THSD7B: variants seen among roughly 807,000 people sequenced by gnomAD.
THSD7B encodes the protein thrombospondin type 1 domain containing 7B, also known as thrombospondin type-1 domain-containing protein 7B.
In THSD7B, 138 loss-of-function variants were observed where a neutral mutation model predicts 213.6. The observed-to-expected ratio is 0.65, with a 90% CI of 0.56 to 0.74. The LOEUF (loss-of-function observed/expected upper bound fraction) is 0.74. Among genes scored for constraint, THSD7B ranks in the 30% least tolerant of loss-of-function variants. The pLI is 0.00. For missense variants in THSD7B, 1,931 were observed against 1,991.5 expected, an observed-to-expected ratio of 0.97 and a Z score of 0.58; for synonymous variants, 742 against 687.0, an observed-to-expected ratio of 1.08 and a Z score of -1.25.
At chr2:137,667,716 C>T in intron 26 of THSD7B, 58 bp from the exon 27 acceptor site, 1 of 1,435,628 alleles carries the variant, frequency 7.0e-7, no homozygotes, top group Non-Finnish European at 9.6e-7. Flanking sequence ...TGCCCTATCT[C>T]TCAAATGCTG....
chr2:137,386,848 A>G (rs2104972053), intron 12 of THSD7B, among the ~76,000 whole-genome samples: 1 of 152,320 alleles, frequency 6.6e-6, no homozygotes, highest in East Asian at 1.9e-4. Flanking sequence ...TAAGCTTAAG[A>G]GGGCTGCCTG....
intron 2 of THSD7B, among the ~76,000 whole-genome samples, chr2:137,029,560 C>T (rs1361076603): frequency 6.6e-6 from 1 of 152,084 alleles, no homozygotes; most frequent in Non-Finnish European, 1.5e-5. Flanking sequence ...GTCTGCATCT[C>T]CTGAGGATAA....
At chr2:137,522,848 C>G (rs773162531) in intron 15 of THSD7B, among the ~76,000 whole-genome samples, 11 of 152,198 alleles carry the variant, frequency 7.2e-5, no homozygotes, top group Non-Finnish European at 1.2e-4. Flanking sequence ...ATTGAAGACT[C>G]TGCCAGTTAC....
At chr2:137,041,970 C>A (rs1573784424) in intron 2 of THSD7B, among the ~76,000 whole-genome samples, 2 of 152,274 alleles carry the variant, frequency 1.3e-5, no homozygotes, top group East Asian at 3.9e-4. Context: ...AAATTAGGCA[C>A]ATGTTCAGTG....
chr2:137,415,400 C>T (rs887295384), intron 14 of THSD7B, among the ~76,000 whole-genome samples: 10 of 152,084 alleles, frequency 6.6e-5, no homozygotes, highest in Admixed American at 1.3e-4. Context: ...GCTTGGCTTT[C>T]GGAGTATCAC....
At chr2:137,271,388 T>TATATATA (rs561561906) in intron 10 of THSD7B, among the ~76,000 whole-genome samples, 1 of 139,550 alleles carries the variant, frequency 7.2e-6, no homozygotes, top group African/African-American at 2.6e-5. Flanking sequence ...TATATATATA[T>TATATATA]TATGAATTAT....
chr2:136,816,908 G>A (rs1682482762), intron 1 of THSD7B, among the ~76,000 whole-genome samples: 1 of 152,138 alleles, frequency 6.6e-6, no homozygotes, highest in Non-Finnish European at 1.5e-5. Flanking sequence ...TAAGAAAACA[G>A]TCATTTTTGG....
intron 4 of THSD7B, among the ~76,000 whole-genome samples, chr2:137,108,912 A>T (rs1234930454): frequency 6.6e-6 from 1 of 152,136 alleles, no homozygotes; most frequent in Non-Finnish European, 1.5e-5. Flanking sequence ...AATATTTGTG[A>T]TTTTGTTCCC....
chr2:137,363,807 G>T (rs952524621), intron 12 of THSD7B, among the ~76,000 whole-genome samples: 1 of 152,162 alleles, frequency 6.6e-6, no homozygotes, highest in Non-Finnish European at 1.5e-5. Context: ...TCTAGTGGAG[G>T]TATGAAGAAA....
chr2:137,288,463 C>T (rs952082798), intron 12 of THSD7B, among the ~76,000 whole-genome samples: 1 of 151,986 alleles, frequency 6.6e-6, no homozygotes, highest in African/African-American at 2.4e-5. Flanking sequence ...AATGGGAAAG[C>T]AGGGGGTTTT....
intron 15 of THSD7B, among the ~76,000 whole-genome samples, chr2:137,529,288 T>G (rs541499145): frequency 5.8e-4 from 88 of 152,180 alleles, no homozygotes; most frequent in African/African-American, 1.8e-3. Flanking sequence ...AATGAAAGAA[T>G]GAATGATTCA....
rs59969102 is a variant in THSD7B, at chr2:137,389,193, C to CATATATATATATATATAT, written c.2501-16413_2501-16396dup. Among the ~76,000 whole-genome samples, 350 of 127,224 alleles carry CATATATATATATATATAT rather than the reference C, an allele frequency of 2.8e-3. 4 individuals carry two copies. The highest frequency in any genetic ancestry group is 9.9e-3 in the African/African-American group (319 of 32,282). 83.5% of individuals were successfully genotyped at this position (127,224 alleles called of 152,430 possible). On this transcript the variant is annotated intron_variant, in intron 12 of 27. Transcript: ENST00000409968. ...ATCACCAGTCTCACCATATATCTGT[C>CATATATATATATATATAT]ATATATATATATATATATATATATG...
chr2:137,347,274 C>G (rs1684895372), intron 12 of THSD7B, among the ~76,000 whole-genome samples: 1 of 151,674 alleles, frequency 6.6e-6, no homozygotes, highest in Admixed American at 6.6e-5. Flanking sequence ...TATAGACAAG[C>G]TAATGCTGTT....
At chr2:136,883,356 G>A (rs1341725868) in intron 2 of THSD7B, among the ~76,000 whole-genome samples, 1 of 148,112 alleles carries the variant, frequency 6.8e-6, no homozygotes, top group Non-Finnish European at 1.5e-5. Context: ...AAAAAACACA[G>A]CCACCATTAG....
intron 15 of THSD7B, among the ~76,000 whole-genome samples, chr2:137,516,644 A>C (rs1441728578): frequency 6.6e-6 from 1 of 152,178 alleles, no homozygotes; most frequent in East Asian, 1.9e-4. Flanking sequence ...TCTGACTTAC[A>C]GTGGCTCCAG....
intron 16 of THSD7B, among the ~76,000 whole-genome samples, chr2:137,570,507 A>G (rs944592693): frequency 1.3e-5 from 2 of 151,976 alleles, no homozygotes; most frequent in Admixed American, 1.3e-4. Context: ...ACAGGGTTTC[A>G]CCATGTTAGC....
chr2:137,300,181 T>C (rs1249241607), intron 12 of THSD7B, among the ~76,000 whole-genome samples: 1 of 152,166 alleles, frequency 6.6e-6, no homozygotes, highest in African/African-American at 2.4e-5. Flanking sequence ...TTAATGCTAT[T>C]TTAATTGCTT....
chr2:137,188,634 G>T lies in THSD7B; in HGVS notation c.1723+17696G>T, dbSNP rs375491594. ...AGTGTCCTAAATTGTTGGAACATTG[G>T]ATATTTTATTTGTAAAGTACATACT... On this transcript the variant is annotated intron_variant, in intron 7 of 27. Coordinates refer to ENST00000409968, the MANE Select transcript of THSD7B (RefSeq NM_001316349.2). 4.6e-5 allele frequency among the ~76,000 whole-genome samples: 7 copies of T among 152,142 alleles called. No homozygotes were observed. In the East Asian group the frequency reaches 1.3e-3, roughly 29 times the overall value.
At chr2:136,845,009 C>T (rs1432807799) in intron 1 of THSD7B, among the ~76,000 whole-genome samples, 17 of 152,338 alleles carry the variant, frequency 1.1e-4, no homozygotes, top group South Asian at 8.3e-4. Flanking sequence ...GTGCTCCAAA[C>T]GCCATTTGCA....
Sources: allele counts gnomAD v4.1 joint callset (sites outside exome capture counted in the v4.1 genomes callset), GRCh38; gene constraint gnomAD v4.1.1; transcripts MANE v1.5; gene names NCBI Gene and HGNC (gene_info 2026-07-23, HGNC 2026-07-21).